AFAP1L2: variants seen among roughly 807,000 people sequenced by gnomAD.
The protein encoded by AFAP1L2 is actin filament associated protein 1 like 2.
AFAP1L2 carries 46 observed loss-of-function variants against 99.3 expected under a neutral mutation model. The ratio of observed to expected loss-of-function variants is 0.46; its 90% CI spans 0.37 to 0.59. The LOEUF is 0.59. Ranked by LOEUF, AFAP1L2 falls within the 20% of genes least tolerant of loss-of-function variation. AFAP1L2 has a pLI of 0.00. For synonymous variants in AFAP1L2, 397 were observed against 419.1 expected (o/e 0.95, Z 0.64); for missense variants, 959 against 1,034.9 (o/e 0.93, Z 1.01).
At chr10:114,339,826 C>T (rs993222475) in intron 2 of AFAP1L2, among the ~76,000 whole-genome samples, 1 of 150,806 alleles carries the variant, frequency 6.6e-6, no homozygotes, top group Non-Finnish European at 1.5e-5. Flanking sequence ...CCAGCCTGGC[C>T]AACATAGTGA....
intron 1 of AFAP1L2, among the ~76,000 whole-genome samples, chr10:114,391,990 C>T (rs1033973016): frequency 2.0e-5 from 3 of 152,166 alleles, no homozygotes; most frequent in African/African-American, 7.2e-5. Context: ...CCCTAGATGC[C>T]GCCTGCACTC....
chr10:114,395,846 G>A (rs942787749), intron 1 of AFAP1L2, among the ~76,000 whole-genome samples: 6 of 152,158 alleles, frequency 3.9e-5, no homozygotes, highest in Non-Finnish European at 8.8e-5. Context: ...CCTTGGGGCT[G>A]CCCCAAACCC....
At chr10:114,303,307 C>T (rs2041551478) in intron 11 of AFAP1L2, among the ~76,000 whole-genome samples, 2 of 152,024 alleles carry the variant, frequency 1.3e-5, no homozygotes, top group Non-Finnish European at 2.9e-5. Flanking sequence ...TTTCCTTTTC[C>T]CAGTTTTTTT....
chr10:114,292,325 G>A (rs571749631), downstream of AFAP1L2, among the ~76,000 whole-genome samples: 6 of 151,942 alleles, frequency 3.9e-5, no homozygotes, highest in South Asian at 1.3e-3. Flanking sequence ...GCGTGTTTAT[G>A]GAATTCTTTC....
intron 1 of AFAP1L2, among the ~76,000 whole-genome samples, chr10:114,400,092 C>G (rs538812471): frequency 3.3e-5 from 5 of 152,208 alleles, no homozygotes; most frequent in South Asian, 2.1e-4. Context: ...GGGCTCTGGA[C>G]AGAAAAAGCC....
chr10:114,363,178 A>T (rs1379717319), intron 1 of AFAP1L2: 4 of 985,232 alleles, frequency 4.1e-6, no homozygotes, highest in Non-Finnish European at 4.8e-6. Flanking sequence ...GGTTCCTGGG[A>T]ATCAAGGAGA....
intron 1 of AFAP1L2, among the ~76,000 whole-genome samples, chr10:114,383,410 A>G (rs2055995192): frequency 6.6e-6 from 1 of 151,976 alleles, no homozygotes; most frequent in South Asian, 2.1e-4. Flanking sequence ...AAGAGAGAGG[A>G]AAGGAGCTTT....
intron 2 of AFAP1L2, among the ~76,000 whole-genome samples, chr10:114,336,231 G>A (rs1055038525): frequency 2.0e-5 from 3 of 152,222 alleles, no homozygotes; most frequent in African/African-American, 4.8e-5. Flanking sequence ...AAGACCTTCT[G>A]CAATTGTGGG....
chr10:114,368,695 A>G (rs2053632116), intron 1 of AFAP1L2, among the ~76,000 whole-genome samples: 4 of 151,698 alleles, frequency 2.6e-5, no homozygotes, highest in African/African-American at 7.3e-5. Flanking sequence ...GATTGCAGGC[A>G]TGAACCACCA....
In AFAP1L2 at chr10:114,297,393, G is replaced by T. The variant is rs2040421566; in HGVS notation, c.2134C>A (p.Leu712Met). ...TCAATTTCCTTCAGCTTCTGCTCCA[G>T]GCTCGCCAGGACTTCCTTGTCTGGA... The part of the protein sequence containing the change: ...KCTDKEVLAS[L>M]EQKLKEIDEE... The change falls in exon 17 of 19, where the codon CTG becomes ATG. Residue 712 changes from leucine to methionine, a missense_variant. Around this residue, in one of 2 missense-constraint regions of AFAP1L2, gnomAD observed 576 missense variants for 562.1 expected, o/e 1.02. Transcript: ENST00000304129. 6.2e-7 allele frequency: 1 copy of T among 1,613,082 alleles called. No individual in the cohort carries two copies.
intron 1 of AFAP1L2, among the ~76,000 whole-genome samples, chr10:114,368,008 C>G (rs1452214145): frequency 6.6e-6 from 1 of 152,122 alleles, no homozygotes; most frequent in Non-Finnish European, 1.5e-5. Flanking sequence ...CCACAAATGG[C>G]TGCTAAAAGT....
At chr10:114,325,993 T>C (rs2046221304) in intron 4 of AFAP1L2, 1 of 1,287,260 alleles carries the variant, frequency 7.8e-7, no homozygotes, top group African/African-American at 1.5e-5. Flanking sequence ...GGGTCCCATC[T>C]GGAGAAAAGC....
intron 1 of AFAP1L2, among the ~76,000 whole-genome samples, chr10:114,395,408 G>A (rs1162660045): frequency 3.3e-5 from 5 of 152,174 alleles, no homozygotes; most frequent in African/African-American, 4.8e-5. Flanking sequence ...CCGGGGACAC[G>A]AAGCACCCTA....
intron 1 of AFAP1L2, among the ~76,000 whole-genome samples, chr10:114,387,989 G>A (rs780225310): frequency 4.6e-5 from 7 of 152,110 alleles, no homozygotes; most frequent in Admixed American, 3.9e-4. Context: ...TCATCCCAGC[G>A]CCCCCTTCAG....
Position 114,299,266 on chromosome 10 carries a change from A to T in AFAP1L2, c.2107T>A (p.Cys703Ser), listed in dbSNP as rs769827305. ...KRELKETLLKCTDKEVLASLE... is the reference protein window; with the variant it reads ...KRELKETLLKSTDKEVLASLE... ...CCACTGGGGGCCCCCTTACCTGTGCATTTCAGTAGGGTTTCCTTTAGCTCC... is the reference window on the plus strand; with the variant it reads ...CCACTGGGGGCCCCCTTACCTGTGCTTTTCAGTAGGGTTTCCTTTAGCTCC... The change falls in exon 16 of 19, where the codon TGC (cysteine) becomes AGC (serine). Residue 703 changes from cysteine (C) to serine (S), a missense_variant. By Grantham distance (112) the Cys-to-Ser change is moderately radical. This residue lies in a region of AFAP1L2 where 576 missense variants were observed against 562.1 expected (regional missense o/e 1.02). Coordinates refer to ENST00000304129, the MANE Select transcript of AFAP1L2 (RefSeq NM_001001936.3). 2.5e-6 allele frequency: 4 copies of T among 1,614,148 alleles called. No homozygotes were observed. The highest frequency in any genetic ancestry group is 3.4e-6 in the Non-Finnish European group (4 of 1,180,018).
the AFAP1L2 span, chr10:114,289,393 C>T: frequency 1.8e-4 from 285 of 1,614,208 alleles, no homozygotes; most frequent in Non-Finnish European, 2.1e-4. Context: ...TGAGGGTCTG[C>T]GGAGGCTTGC....
chr10:114,327,176 T>A lies in AFAP1L2; in HGVS notation c.316-3915A>T, dbSNP rs56793294. Among the ~76,000 whole-genome samples, 489 of 56,458 alleles carry A rather than the reference T, an allele frequency of 8.7e-3. 13 individuals carry two copies. The highest frequency in any genetic ancestry group is 0.018 in the Non-Finnish European group (275 of 15,556). 37.0% of individuals were successfully genotyped at this position (56,458 alleles called of 152,430 possible). A position where few individuals can be genotyped will look rare whatever the true frequency, so the allele number is the denominator to read the frequency against. On this transcript the variant is annotated intron_variant, in intron 4 of 18. Coordinates refer to ENST00000304129, the MANE Select transcript of AFAP1L2 (RefSeq NM_001001936.3). Reference sequence around the variant, plus strand: ...ATATATATATATATATATATATATTTTTTTTTTAGGCAGAGTCTCACTGTG... The same window carrying A: ...ATATATATATATATATATATATATTATTTTTTTAGGCAGAGTCTCACTGTG...
Position 114,308,491 on chromosome 10 carries a change from C to G in AFAP1L2, c.909G>C (p.Ser303=). The part of the protein sequence containing the change: ...QKPDIAEKYL[S]ASEYGSSVDG... ...CCACGGAGCTCCCATACTCTGAAGC[C>G]GACAGGTACTTCTCAGCTATATCTG... The change falls in exon 9 of 19, where the codon TCG becomes TCC. Residue 303 remains serine (S), a synonymous_variant. Coordinates refer to ENST00000304129, the MANE Select transcript of AFAP1L2 (RefSeq NM_001001936.3). The G allele has an allele frequency of 1.2e-6, 2 of 1,614,122 alleles. No homozygotes were observed. Among genetic ancestry groups the G allele is most frequent in the Non-Finnish European group, 1.7e-6 (2 of 1,180,010 alleles).
In AFAP1L2 at chr10:114,360,485, C is replaced by CTAGATAGATAGATAGATAGATAGATAGA. The variant is rs367617609; in HGVS notation, c.17-19755_17-19754insTCTATCTATCTATCTATCTATCTATCTA. ...GATAGATACCTCGATATCTCAATAT[C>CTAGATAGATAGATAGATAGATAGATAGA]TAGATAGATAGATAGATAGATAGTT... On this transcript the variant is annotated intron_variant, in intron 1 of 18. Transcript: ENST00000304129. 1.7e-3 allele frequency among the ~76,000 whole-genome samples: 206 copies of CTAGATAGATAGATAGATAGATAGATAGA among 124,444 alleles called. 2 individuals are homozygous for CTAGATAGATAGATAGATAGATAGATAGA. The highest frequency in any genetic ancestry group is 4.3e-3 in the East Asian group (16 of 3,734). 81.6% of individuals were successfully genotyped at this position (124,444 alleles called of 152,430 possible).
Sources: allele counts gnomAD v4.1 joint callset (sites outside exome capture counted in the v4.1 genomes callset), GRCh38; gene constraint gnomAD v4.1.1; regional missense constraint gnomAD v4.1.1; transcripts MANE v1.5; gene names NCBI Gene and HGNC (gene_info 2026-07-23, HGNC 2026-07-21).